Variants in RYR2 observed in about 807,000 individuals in gnomAD.
RYR2 encodes ryanodine receptor 2.
In RYR2, 227 loss-of-function variants were observed where a neutral mutation model predicts 601.1. That is an observed-to-expected ratio of 0.38 (90% CI 0.34 to 0.42). The LOEUF (loss-of-function observed/expected upper bound fraction) is 0.42. Among genes scored for constraint, RYR2 ranks in the 10% least tolerant of loss-of-function variants. The pLI is 1.00. For synonymous variants in RYR2, 2,223 were observed against 2,175.1 expected (o/e 1.02, Z -0.61); for missense variants, 4,646 against 6,156.5 (o/e 0.75, Z 8.21).
intron 5 of RYR2, among the ~76,000 whole-genome samples, chr1:237,366,674 TCACACACACACACACACACACACA>T (rs56679247): frequency 2.8e-5 from 4 of 144,826 alleles, no homozygotes; most frequent in Middle Eastern, 3.3e-3. Context: ...ACCTCTTTAG[TCACACACACACACACACACACACA>T]CACACACACA....
intron 2 of RYR2, among the ~76,000 whole-genome samples, chr1:237,323,088 C>T (rs1325029463): frequency 6.6e-6 from 1 of 152,130 alleles, no homozygotes; most frequent in Admixed American, 6.5e-5. Context: ...TAGAGCTCCA[C>T]TTTTCAAAAC....
chr1:237,484,663 C>A (rs187326931), intron 17 of RYR2, among the ~76,000 whole-genome samples: 2 of 152,198 alleles, frequency 1.3e-5, no homozygotes, highest in Non-Finnish European at 2.9e-5. Flanking sequence ...TTTGTTCAAC[C>A]TCAGACAGCC....
intron 83 of RYR2, 29 bp from the exon 84 acceptor site, chr1:237,760,925 TA>T: frequency 6.9e-7 from 1 of 1,447,462 alleles, no homozygotes; most frequent in Admixed American, 2.0e-5. Context: ...ATTAGTCCTC[TA>T]AATGTTTTTT....
chr1:237,355,619 AGAG>A (rs1699229120), intron 3 of RYR2, among the ~76,000 whole-genome samples: 1 of 152,148 alleles, frequency 6.6e-6, no homozygotes, highest in Non-Finnish European at 1.5e-5. Flanking sequence ...TTTTATAATT[AGAG>A]GAGAGTAGTA....
At chr1:237,506,490 A>AT (rs777534741) in intron 22 of RYR2, among the ~76,000 whole-genome samples, 8 of 151,708 alleles carry the variant, frequency 5.3e-5, no homozygotes, top group Non-Finnish European at 8.8e-5. Flanking sequence ...GTGAGCAGAG[A>AT]TCGCGCCACT....
intron 12 of RYR2, among the ~76,000 whole-genome samples, chr1:237,427,686 G>A (rs914475633): frequency 2.0e-5 from 3 of 150,176 alleles, no homozygotes; most frequent in Non-Finnish European, 3.0e-5. Context: ...GGGAGGCTGA[G>A]GGAGGAGAAT....
chr1:237,413,752 C>CAGT (rs1704668200), intron 10 of RYR2, among the ~76,000 whole-genome samples: 2 of 151,952 alleles, frequency 1.3e-5, no homozygotes, highest in African/African-American at 4.8e-5. Flanking sequence ...TCTTATTGAA[C>CAGT]AGTATATCAT....
In RYR2 at chr1:237,595,574, C is replaced by T; in HGVS notation, c.4513C>T (p.Leu1505=). 2 of 1,613,604 alleles carry T rather than the reference C, an allele frequency of 1.2e-6. No homozygotes were observed. The highest frequency in any genetic ancestry group is 1.7e-6 in the Non-Finnish European group (2 of 1,179,722). Residue 1505 remains leucine (L), a synonymous_variant, in exon 34 of 105, where the codon CTG becomes TTG. Transcript: ENST00000366574. The part of the protein sequence containing the change: ...SPGQGRNNNG[L]EIGCVVDAAS... ...CGGGCAAGGACGCAACAATAATGGA[C>T]TGGAGATTGGCTGTGTGGTGGATGC...
At chr1:237,670,124 C>CA (rs34082851) in intron 58 of RYR2, among the ~76,000 whole-genome samples, 1 of 151,892 alleles carries the variant, frequency 6.6e-6, no homozygotes, top group Non-Finnish European at 1.5e-5. Context: ...CCGTCTCCAC[C>CA]AAAAAAATAC....
intron 88 of RYR2, among the ~76,000 whole-genome samples, chr1:237,781,238 C>T (rs368882701): frequency 3.3e-5 from 5 of 152,172 alleles, no homozygotes; most frequent in South Asian, 2.1e-4. Flanking sequence ...TTAGTAGAGA[C>T]GGGTTTTTGC....
At chr1:237,186,538 A>G (rs542412254) in intron 1 of RYR2, among the ~76,000 whole-genome samples, 1 of 152,276 alleles carries the variant, frequency 6.6e-6, no homozygotes, top group East Asian at 1.9e-4. Context: ...TTTAGGCCAG[A>G]TGCTTTGGTT....
chr1:237,063,015 T>C (rs1041575223), intron 1 of RYR2, among the ~76,000 whole-genome samples: 8 of 152,132 alleles, frequency 5.3e-5, no homozygotes, highest in Non-Finnish European at 8.8e-5. Flanking sequence ...AAAATTCTTA[T>C]GTTGAAATCT....
At chr1:237,153,040 T>C (rs1674904442) in intron 1 of RYR2, among the ~76,000 whole-genome samples, 1 of 152,182 alleles carries the variant, frequency 6.6e-6, no homozygotes, top group South Asian at 2.1e-4. Flanking sequence ...TTGGTAACAG[T>C]CACTGTGCTG....
intron 64 of RYR2, among the ~76,000 whole-genome samples, chr1:237,699,657 C>T (rs1043645658): frequency 6.6e-6 from 1 of 152,128 alleles, no homozygotes; most frequent in East Asian, 1.9e-4. Flanking sequence ...TCCATTCTTG[C>T]GTTTAAGATT....
At chr1:237,331,162 TA>T (rs1290538349) in intron 3 of RYR2, among the ~76,000 whole-genome samples, 180 bp downstream of exon 3, 8 of 152,180 alleles carry the variant, frequency 5.3e-5, no homozygotes, top group Non-Finnish European at 1.0e-4. Context: ...TCTTGAAAAC[TA>T]AAAAAATATA....
At chr1:237,318,995 A>G (rs1228162206) in intron 2 of RYR2, among the ~76,000 whole-genome samples, 1 of 151,572 alleles carries the variant, frequency 6.6e-6, no homozygotes, top group Non-Finnish European at 1.5e-5. Context: ...GGCTCTGTGC[A>G]TTTTTTTGTC....
chr1:237,473,166 G>A (rs1425926903), intron 17 of RYR2, among the ~76,000 whole-genome samples: 1 of 152,140 alleles, frequency 6.6e-6, no homozygotes, highest in African/African-American at 2.4e-5. Flanking sequence ...GCTCACACCT[G>A]TAATCCCAGC....
At chr1:237,770,751 AG>A in intron 84 of RYR2, 55 bp from the exon 85 acceptor site, 1 of 1,120,998 alleles carries the variant, frequency 8.9e-7, no homozygotes, top group Non-Finnish European at 1.3e-6. Flanking sequence ...GGGGACAGAA[AG>A]GGAGCGGCAG....
chr1:237,069,681 T>C (rs573671081), intron 1 of RYR2, among the ~76,000 whole-genome samples: 1 of 152,296 alleles, frequency 6.6e-6, no homozygotes, highest in South Asian at 2.1e-4. Flanking sequence ...CCTTCAATAT[T>C]CTGGAAAAGT....
Sources: gnomAD v4.1 joint callset for allele counts (sites outside exome capture counted in the v4.1 genomes callset) on GRCh38, gnomAD v4.1.1 for gene constraint, MANE v1.5 for transcripts, NCBI Gene and HGNC (gene_info 2026-07-23, HGNC 2026-07-21) for gene names.